PDCD2: variants seen among roughly 807,000 people sequenced by gnomAD.
The protein encoded by PDCD2 is programmed cell death 2, also known as uS5 assembly chaperone PDCD2.
Under a neutral mutation model 38.1 loss-of-function variants are expected in PDCD2, and 38 were observed. The observed-to-expected ratio is 1.00, with a 90% CI of 0.77 to 1.31. The LOEUF is 1.31. PDCD2 is among the 50% of genes most tolerant of loss of function. The pLI is 0.00. For missense variants in PDCD2, 473 were observed against 435.7 expected, an observed-to-expected ratio of 1.09 and a Z score of -0.76; for synonymous variants, 205 against 168.9, an observed-to-expected ratio of 1.21 and a Z score of -1.66.
intron 3 of PDCD2, chr6:170,582,633 C>A (rs1779646837): frequency 8.0e-7 from 1 of 1,247,828 alleles, no homozygotes; most frequent in East Asian, 4.4e-5. Flanking sequence ...ACAAGTACTA[C>A]CCAAGAGTAT....
At chr6:170,578,767 C>T in intron 5 of PDCD2, 90 bp downstream of exon 5, 1 of 830,284 alleles carries the variant, frequency 1.2e-6, no homozygotes, top group South Asian at 1.3e-5. Context: ...CCATGTTGAC[C>T]CATGTGCACA....
chr6:170,582,511 T>C, intron 3 of PDCD2: 1 of 1,359,128 alleles, frequency 7.4e-7, no homozygotes, highest in Admixed American at 3.0e-5. Context: ...CACTCATTGG[T>C]CTGCTGTCAC....
chr6:170,577,568 A>C lies in PDCD2; in HGVS notation c.1026T>G (p.Asp342Glu), dbSNP rs1237445612. The C allele has an allele frequency of 6.2e-7, 1 of 1,613,812 alleles. No individual in the cohort carries two copies. The highest frequency in any genetic ancestry group is 1.3e-5 in the African/African-American group (1 of 74,924). The change falls in exon 6 of 6, where the codon GAT (aspartate) becomes GAG (glutamate). Residue 342 changes from aspartate to glutamate, a missense_variant. Coordinates refer to ENST00000541970, the MANE Select transcript of PDCD2 (RefSeq NM_002598.4). ...AGGCTTTAAGATGCCTTTACGGTGT[A>C]TCTGTTACATCCTGCTTCCACACAA... Reference protein sequence around the residue: ...EEFVWKQDVTDTP With the variant: ...EEFVWKQDVTETP
At chr6:170,580,699 A>G (rs142277427) in intron 3 of PDCD2, among the ~76,000 whole-genome samples, 39 of 151,920 alleles carry the variant, frequency 2.6e-4, no homozygotes, top group African/African-American at 9.2e-4. Context: ...TGGGCGACAG[A>G]GTGAGACTCC....
At chr6:170,579,120 A>G (rs960744) in intron 4 of PDCD2, 150 bp from the exon 5 acceptor site, 312,265 of 577,070 alleles carry the variant, frequency 0.54, 87,629 homozygotes, top group East Asian at 0.79. Flanking sequence ...ACCTGGCTGT[A>G]CCAGTGTGCC....
chr6:170,577,036 G>T lies in PDCD2; in HGVS notation c.*523C>A, dbSNP rs1391142479. ...CTAGAGCCTGTGATAATCAGCTAAT[G>T]ATCAGACAAGTTTGTTGGGAGTTTT... is the stretch of plus-strand genomic sequence containing the variant. On this transcript the variant is annotated 3_prime_UTR_variant, in exon 6 of 6. Coordinates refer to ENST00000541970, the MANE Select transcript of PDCD2 (RefSeq NM_002598.4). 2 of 152,888 alleles carry T rather than the reference G, an allele frequency of 1.3e-5. No individual in the cohort carries two copies. The highest frequency in any genetic ancestry group is 1.3e-4 in the Admixed American group (2 of 15,354). The allele number at this position is 152,888 out of a possible 1,614,324, so 9.5% of individuals were successfully genotyped here. A position where few individuals can be genotyped will look rare whatever the true frequency, so the allele number is the denominator to read the frequency against.
rs1050200789 is a variant in PDCD2, at chr6:170,584,565, G to A, written c.17C>T (p.Ala6Val). 1.8e-5 allele frequency: 23 copies of A among 1,286,938 alleles called. No homozygotes were observed. In the East Asian group the frequency reaches 5.1e-4, roughly 28 times the overall value. 79.7% of individuals were successfully genotyped at this position (1,286,938 alleles called of 1,614,324 possible). A position where few individuals can be genotyped will look rare whatever the true frequency, so the allele number is the denominator to read the frequency against. Residue 6 changes from alanine to valine, a missense_variant, in exon 1 of 6, where the codon GCC (alanine) becomes GTC (valine). By Grantham distance (64) the Ala-to-Val change is moderately conservative. Coordinates refer to ENST00000541970, the MANE Select transcript of PDCD2 (RefSeq NM_002598.4). ...GGCGAAGCCCAGCTCCACAGGCCTG[G>A]CCCCGGCGGCAGCCATGCGGGGCGC... The part of the protein sequence containing the change: MAAAG[A>V]RPVELGFAES...
intron 5 of PDCD2, 112 bp downstream of exon 5, chr6:170,578,745 C>G (rs1779515081): frequency 2.6e-6 from 2 of 756,140 alleles, no homozygotes; most frequent in South Asian, 2.8e-5. Context: ...TATAGGGTAC[C>G]CTTCCATACT....
In PDCD2 at chr6:170,575,476, T is replaced by C. The variant is rs547521233; in HGVS notation, c.*2083A>G. ...TTAAAACTTTGTAGGTGTTGAGAAA[T>C]GGTGGATGCATGGACTGGCACCGTC... On this transcript the variant is annotated 3_prime_UTR_variant, in exon 6 of 6. Transcript: ENST00000541970. 6.6e-6 allele frequency: 1 copy of C among 152,286 alleles called. No individual in the cohort carries two copies. The highest frequency in any genetic ancestry group is 2.1e-4 in the South Asian group (1 of 4,816). 9.4% of individuals were successfully genotyped at this position (152,286 alleles called of 1,614,324 possible).
In PDCD2 at chr6:170,584,428, C is replaced by G. The variant is rs1779744260; in HGVS notation, c.154G>C (p.Glu52Gln). 3 of 1,386,692 alleles carry G rather than the reference C, an allele frequency of 2.2e-6. No homozygotes were observed. Among genetic ancestry groups the G allele is most frequent in the Non-Finnish European group, 2.8e-6 (3 of 1,075,114 alleles). The allele number at this position is 1,386,692 out of a possible 1,614,324, so 85.9% of individuals were successfully genotyped here. The change falls in exon 1 of 6, where the codon GAG (glutamate) becomes CAG (glutamine). Residue 52 changes from glutamate to glutamine, a missense_variant. Transcript: ENST00000541970. ...AAGGAGAGCGGGCGGCCGCACAGCT[C>G]GCAGGCCAGGGCCTGGGGCCCCGGC... Reference protein sequence around the residue: ...GLPGPQALACELCGRPLSFLL... With the variant: ...GLPGPQALACQLCGRPLSFLL...
Position 170,578,868 on chromosome 6 carries a change from A to G in PDCD2, c.865T>C (p.Leu289=), listed in dbSNP as rs756334058. 29 of 1,596,560 alleles carry G rather than the reference A, an allele frequency of 1.8e-5. No individual in the cohort carries two copies. In the South Asian group the frequency reaches 3.0e-4, roughly 16 times the overall value. The change falls in exon 5 of 6, where the codon TTG becomes CTG. Residue 289 remains leucine, a synonymous_variant. Coordinates refer to ENST00000541970, the MANE Select transcript of PDCD2 (RefSeq NM_002598.4). The part of the protein sequence containing the change: ...PDCPCGAKRI[L]EFQVMPQLLN... ...ATTTAAGGTCATACCTGGAATTCCA[A>G]TATTCTCTTGGCACCACAGGGGCAA...
In PDCD2 at chr6:170,584,555, C is replaced by T. The variant is rs936659158; in HGVS notation, c.27G>A (p.Val9=). 7.4e-6 allele frequency: 10 copies of T among 1,343,030 alleles called. No homozygotes were observed. Among genetic ancestry groups the T allele is most frequent in the Admixed American group, 3.5e-5 (1 of 28,776 alleles). 83.2% of individuals were successfully genotyped at this position (1,343,030 alleles called of 1,614,324 possible). A position where few individuals can be genotyped will look rare whatever the true frequency, so the allele number is the denominator to read the frequency against. ...GCGCCGACTCGGCGAAGCCCAGCTCCACAGGCCTGGCCCCGGCGGCAGCCA... is the reference window on the plus strand; with the variant it reads ...GCGCCGACTCGGCGAAGCCCAGCTCTACAGGCCTGGCCCCGGCGGCAGCCA... The part of the protein sequence containing the change: MAAAGARP[V]ELGFAESAPA... Residue 9 remains valine (V), a synonymous_variant, in exon 1 of 6, where the codon GTG becomes GTA. Transcript: ENST00000541970.
intron 3 of PDCD2, among the ~76,000 whole-genome samples, chr6:170,580,677 T>C (rs1209694656): frequency 1.3e-5 from 2 of 152,028 alleles, no homozygotes; most frequent in African/African-American, 4.8e-5. Context: ...ATGGTGACAT[T>C]GCACTCCAGC....
rs1486106123 is a variant in PDCD2 at position 170,584,420 on chromosome 6, G to T, written c.162C>A (p.Cys54Ter). ...PGPQALACEL[C>*]GRPLSFLLQV... ...GCAGCAGGAAGGAGAGCGGGCGGCCGCACAGCTCGCAGGCCAGGGCCTGGG... is the reference window on the plus strand; with the variant it reads ...GCAGCAGGAAGGAGAGCGGGCGGCCTCACAGCTCGCAGGCCAGGGCCTGGG... Residue 54 changes from cysteine (C) to a stop codon, truncating the protein, a stop_gained, in exon 1 of 6, where the codon TGC becomes TGA. Transcript: ENST00000541970. LOFTEE classifies it high-confidence loss of function. 1 of 1,402,060 alleles carries T rather than the reference G, an allele frequency of 7.1e-7. No individual in the cohort carries two copies. 86.9% of individuals were successfully genotyped at this position (1,402,060 alleles called of 1,614,324 possible).
chr6:170,578,366 T>C (rs187134646), intron 5 of PDCD2: 1 of 463,484 alleles, frequency 2.2e-6, no homozygotes, highest in African/African-American at 2.0e-5. Context: ...CCTACCCAAA[T>C]GGATTTTGAT....
intron 5 of PDCD2, chr6:170,578,413 C>T: frequency 3.7e-6 from 2 of 546,114 alleles, no homozygotes; most frequent in South Asian, 2.5e-5. Context: ...GGACATTTAT[C>T]TTTAATGCTT....
chr6:170,579,547 G>C (rs1779536750), intron 4 of PDCD2: 1 of 155,542 alleles, frequency 6.4e-6, no homozygotes, highest in Non-Finnish European at 1.4e-5. Context: ...GTTTATGGGA[G>C]TTTAGTTTTC....
chr6:170,584,460 G>C lies in PDCD2; in HGVS notation c.122C>G (p.Ala41Gly). ...VGGRPAWLGA[A>G]GLPGPQALAC... is the part of the protein sequence containing the mutation. Reference sequence around the variant, plus strand: ...CAGGGCCTGGGGCCCCGGCAGCCCGGCCGCGCCCAGCCATGCCGGCCGCCC... The same window carrying C: ...CAGGGCCTGGGGCCCCGGCAGCCCGCCCGCGCCCAGCCATGCCGGCCGCCC... Residue 41 changes from alanine (A) to glycine (G), a missense_variant, in exon 1 of 6, where the codon GCC becomes GGC. By Grantham distance (60) the Ala-to-Gly change is moderately conservative (BLOSUM62 0). Transcript: ENST00000541970. 2.3e-6 allele frequency: 3 copies of C among 1,308,468 alleles called. No homozygotes were observed. The highest frequency in any genetic ancestry group is 2.9e-6 in the Non-Finnish European group (3 of 1,036,148). The allele number at this position is 1,308,468 out of a possible 1,614,324, so 81.1% of individuals were successfully genotyped here. A position where few individuals can be genotyped will look rare whatever the true frequency, so the allele number is the denominator to read the frequency against.
chr6:170,582,170 G>T, intron 3 of PDCD2: 2 of 1,514,856 alleles, frequency 1.3e-6, no homozygotes, highest in Non-Finnish European at 1.8e-6. Flanking sequence ...ACTCTTATCA[G>T]TCATTATATG....
Sources: allele counts gnomAD v4.1 joint callset (sites outside exome capture counted in the v4.1 genomes callset), GRCh38; gene constraint gnomAD v4.1.1; transcripts MANE v1.5; gene names NCBI Gene and HGNC (gene_info 2026-07-23, HGNC 2026-07-21).